CRADD: variants seen among roughly 807,000 people sequenced by gnomAD.
The protein encoded by CRADD is CARD and death domain containing adaptor protein, also known as death domain-containing protein CRADD.
A neutral mutation model predicts 15.5 loss-of-function variants in CRADD; 9 were observed. The observed-to-expected ratio is 0.58, with a 90% CI of 0.35 to 1.01. The LOEUF is 1.01. CRADD is among the 50% of genes least tolerant of loss of function. CRADD has a pLI of 0.02. For missense variants in CRADD, 227 were observed against 250.3 expected, an observed-to-expected ratio of 0.91 and a Z score of 0.63; for synonymous variants, 118 against 107.6, an observed-to-expected ratio of 1.10 and a Z score of -0.60.
At chr12:93,841,545 T>C (rs1958047370) in intron 2 of CRADD, among the ~76,000 whole-genome samples, 1 of 152,248 alleles carries the variant, frequency 6.6e-6, no homozygotes, top group Admixed American at 6.5e-5. Context: ...GCTATTTCAG[T>C]GTATTTCATA....
chr12:93,762,667 C>T (rs899630708), intron 2 of CRADD, among the ~76,000 whole-genome samples: 1 of 152,192 alleles, frequency 6.6e-6, no homozygotes, highest in Non-Finnish European at 1.5e-5. Flanking sequence ...CCAAAGGTCT[C>T]CTTTCTATTC....
At chr12:93,857,113 A>T (rs373063259) in intron 2 of CRADD, among the ~76,000 whole-genome samples, 1 of 151,458 alleles carries the variant, frequency 6.6e-6, no homozygotes, top group South Asian at 2.1e-4. Flanking sequence ...AGGCTATGAA[A>T]TCCAGGTTTG....
chr12:93,846,030 G>A (rs1247971204), intron 2 of CRADD, among the ~76,000 whole-genome samples: 1 of 151,068 alleles, frequency 6.6e-6, no homozygotes, highest in Admixed American at 6.6e-5. Context: ...AATAGAATCA[G>A]AAAGTATTTG....
At chr12:93,880,381 A>G (rs1226634906) in intron 2 of CRADD, among the ~76,000 whole-genome samples, 1 of 152,154 alleles carries the variant, frequency 6.6e-6, no homozygotes, top group African/African-American at 2.4e-5. Flanking sequence ...AAGGCTTTGA[A>G]TACAATTATT....
chr12:93,693,060 A>C (rs1955611354), intron 2 of CRADD, among the ~76,000 whole-genome samples: 1 of 152,180 alleles, frequency 6.6e-6, no homozygotes, highest in African/African-American at 2.4e-5. Flanking sequence ...TGTAAGCTTC[A>C]TGGTAACCAT....
chr12:93,760,870 T>C (rs900684535), intron 2 of CRADD, among the ~76,000 whole-genome samples: 3 of 151,968 alleles, frequency 2.0e-5, no homozygotes, highest in Admixed American at 6.6e-5. Context: ...TTAGCAGATA[T>C]TGGAAGGGTG....
At chr12:93,793,745 A>G (rs1339646218) in intron 2 of CRADD, among the ~76,000 whole-genome samples, 1 of 152,196 alleles carries the variant, frequency 6.6e-6, no homozygotes, top group Non-Finnish European at 1.5e-5. Context: ...ATAATTGTCA[A>G]AGCAAGTGAC....
intron 2 of CRADD, among the ~76,000 whole-genome samples, chr12:93,709,696 C>T (rs147153782): frequency 1.3e-5 from 2 of 152,222 alleles, no homozygotes; most frequent in East Asian, 3.9e-4. Context: ...CATGTCTTTG[C>T]TGTTGTGAAT....
chr12:93,832,734 C>T (rs1018892686), intron 2 of CRADD, among the ~76,000 whole-genome samples: 4 of 152,058 alleles, frequency 2.6e-5, no homozygotes, highest in African/African-American at 9.7e-5. Context: ...GAAATAATTA[C>T]GTGATTAAGG....
intron 2 of CRADD, among the ~76,000 whole-genome samples, chr12:93,740,462 G>C (rs1956648484): frequency 6.6e-6 from 1 of 151,922 alleles, no homozygotes; most frequent in South Asian, 2.1e-4. Context: ...AACCAATTTT[G>C]GGGGAGGATT....
At position 93,824,056 on chromosome 12, in the gene CRADD, T is replaced by C. The variant is rs551306744; in HGVS notation, c.299-25914T>C. On this transcript the variant is annotated intron_variant, in intron 2 of 2. Coordinates refer to ENST00000332896, the MANE Select transcript of CRADD (RefSeq NM_003805.5). The surrounding 1 kb of genome is among the most constrained non-coding windows in gnomAD (Gnocchi z 4.3). ...GAATGGAAAGCTGCTTTTTACCGTG[T>C]TCCAAAACACTGGCTCCGTTTGGTG... 6.6e-6 allele frequency among the ~76,000 whole-genome samples: 1 copy of C among 152,316 alleles called. No homozygotes were observed. The highest frequency in any genetic ancestry group is 1.9e-4 in the East Asian group (1 of 5,188).
chr12:93,695,548 G>A (rs1592893522), intron 2 of CRADD, among the ~76,000 whole-genome samples: 1 of 152,152 alleles, frequency 6.6e-6, no homozygotes, highest in Non-Finnish European at 1.5e-5. Context: ...TATATGATAA[G>A]GAATTAATGT....
chr12:93,710,345 C>CT (rs34912218), intron 2 of CRADD, among the ~76,000 whole-genome samples: 55,349 of 128,244 alleles, frequency 0.43, 12,831 homozygotes, highest in South Asian at 0.56. Context: ...TTTCCTTTTC[C>CT]TTTTTTTTTT....
chr12:93,729,162 C>T (rs1489350106), intron 2 of CRADD, among the ~76,000 whole-genome samples: 2 of 151,950 alleles, frequency 1.3e-5, no homozygotes, highest in Non-Finnish European at 2.9e-5. Flanking sequence ...AGCACCAAAC[C>T]GCAAAAAACA....
At chr12:93,881,440 G>T (rs1025841467) in intron 2 of CRADD, among the ~76,000 whole-genome samples, 7 of 69,384 alleles carry the variant, frequency 1.0e-4, no homozygotes, top group Admixed American at 2.5e-4. Flanking sequence ...AAAAAAGTGT[G>T]GGGGGGGGGT....
At chr12:93,841,347 T>C (rs1291851594) in intron 2 of CRADD, among the ~76,000 whole-genome samples, 2 of 152,246 alleles carry the variant, frequency 1.3e-5, no homozygotes, top group Non-Finnish European at 2.9e-5. Flanking sequence ...TAAAATCAGC[T>C]AGATAGCTTT....
intron 2 of CRADD, among the ~76,000 whole-genome samples, chr12:93,724,089 C>T (rs1956310536): frequency 6.6e-6 from 1 of 152,096 alleles, no homozygotes. Flanking sequence ...GAAGTTTCTG[C>T]TCCAGGCCGG....
chr12:93,861,770 T>C (rs1319475254), intron 2 of CRADD, among the ~76,000 whole-genome samples: 27 of 152,210 alleles, frequency 1.8e-4, no homozygotes, highest in Non-Finnish European at 3.8e-4. Context: ...CAGGGGAACA[T>C]AGCTTGTGCA....
intron 2 of CRADD, among the ~76,000 whole-genome samples, chr12:93,803,213 C>G (rs1957494034): frequency 6.6e-6 from 1 of 152,126 alleles, no homozygotes. Flanking sequence ...AAACTGAGGT[C>G]TCGTCAATGG....
Sources: gnomAD v4.1 joint callset for allele counts (sites outside exome capture counted in the v4.1 genomes callset) on GRCh38, gnomAD v4.1.1 for gene constraint, Gnocchi (gnomAD v3.1) non-coding constraint, MANE v1.5 for transcripts, NCBI Gene and HGNC (gene_info 2026-07-23, HGNC 2026-07-21) for gene names.